Variants in CDKL4 observed in about 807,000 individuals in gnomAD.
CDKL4 encodes the protein cyclin-dependent kinase-like 4.
A neutral mutation model predicts 42.0 loss-of-function variants in CDKL4; 44 were observed. That is an observed-to-expected ratio of 1.05 (90% confidence interval 0.82 to 1.35). The LOEUF is 1.35. CDKL4 is among the 40% of genes most tolerant of loss of function. CDKL4 has a pLI of 0.00. For missense variants in CDKL4, 393 were observed against 369.9 expected, an observed-to-expected ratio of 1.06 and a Z score of -0.51; for synonymous variants, 120 against 121.6, an observed-to-expected ratio of 0.99 and a Z score of 0.09.
At chr2:39,238,886 G>A (rs1022767590) in intron 1 of CDKL4, among the ~76,000 whole-genome samples, 2 of 152,140 alleles carry the variant, frequency 1.3e-5, no homozygotes, top group African/African-American at 4.8e-5. Flanking sequence ...CAAGTAGCTG[G>A]GATTACAGGC....
chr2:39,180,312 C>T (rs1293283243), intron 8 of CDKL4, among the ~76,000 whole-genome samples: 1 of 152,246 alleles, frequency 6.6e-6, no homozygotes, highest in Non-Finnish European at 1.5e-5. Context: ...TAAGGCTCAC[C>T]ACCAGCACAA....
chr2:39,217,589 T>C (rs1174423908), intron 3 of CDKL4, among the ~76,000 whole-genome samples: 2 of 152,186 alleles, frequency 1.3e-5, no homozygotes, highest in African/African-American at 4.8e-5. Context: ...AGGCTGTTAA[T>C]AACATTTTAC....
At chr2:39,174,629 G>A (rs1485935911), downstream of CDKL4, among the ~76,000 whole-genome samples, 1 of 152,106 alleles carries the variant, frequency 6.6e-6, no homozygotes, top group African/African-American at 2.4e-5. Flanking sequence ...AAGTGTATTT[G>A]CAAAATTTGA....
At chr2:39,177,384 G>C (rs1392238264) in intron 9 of CDKL4, among the ~76,000 whole-genome samples, 1 of 151,390 alleles carries the variant, frequency 6.6e-6, no homozygotes, top group Non-Finnish European at 1.5e-5. Flanking sequence ...CCAGGCCAGT[G>C]TTGGGGGGAA....
exon 3 of CDKL4, chr2:39,225,939 C>T (rs1678685223): frequency 6.2e-7 from 1 of 1,610,474 alleles, no homozygotes; most frequent in African/African-American, 1.3e-5. Context: ...ATGAGGTTCA[C>T]AAGATTTGGA....
chr2:39,207,180 G>T (rs1343247886), intron 4 of CDKL4, among the ~76,000 whole-genome samples: 1 of 152,154 alleles, frequency 6.6e-6, no homozygotes, highest in Non-Finnish European at 1.5e-5. Context: ...GTGCCCAGGA[G>T]TTTGATACCA....
At chr2:39,236,253 A>G (rs936375324) in intron 1 of CDKL4, among the ~76,000 whole-genome samples, 1 of 152,104 alleles carries the variant, frequency 6.6e-6, no homozygotes, top group Non-Finnish European at 1.5e-5. Flanking sequence ...AGACCAATAA[A>G]AAGCAGTCAA....
chr2:39,171,958 C>T (rs529140361), downstream of CDKL4, among the ~76,000 whole-genome samples: 13 of 152,236 alleles, frequency 8.5e-5, no homozygotes, highest in African/African-American at 2.6e-4. Context: ...CTCATAATTA[C>T]GGGATCAAGT....
At chr2:39,218,541 G>A (rs1162086284) in intron 3 of CDKL4, among the ~76,000 whole-genome samples, 1 of 152,190 alleles carries the variant, frequency 6.6e-6, no homozygotes, top group East Asian at 1.9e-4. Context: ...GTGTGTCTGT[G>A]AGGGTGTTTC....
chr2:39,234,670 A>C (rs1183169844), intron 1 of CDKL4, among the ~76,000 whole-genome samples: 1 of 152,216 alleles, frequency 6.6e-6, no homozygotes, highest in African/African-American at 2.4e-5. Context: ...TATTTGAATA[A>C]AACAATCAAA....
At chr2:39,221,924 A>G (rs1678398424) in intron 3 of CDKL4, among the ~76,000 whole-genome samples, 1 of 152,210 alleles carries the variant, frequency 6.6e-6, no homozygotes, top group Non-Finnish European at 1.5e-5. Flanking sequence ...CATTAACCCA[A>G]TCAACATAAC....
chr2:39,238,489 AG>A (rs1378110265), intron 1 of CDKL4, among the ~76,000 whole-genome samples: 3 of 152,326 alleles, frequency 2.0e-5, no homozygotes, highest in African/African-American at 7.2e-5. Flanking sequence ...AAATTCCAAC[AG>A]GCTTTATTTG....
chr2:39,185,470 A>G (rs1429693453), intron 7 of CDKL4, among the ~76,000 whole-genome samples: 7 of 132,292 alleles, frequency 5.3e-5, no homozygotes, highest in Non-Finnish European at 7.9e-5. Flanking sequence ...GTATATATAT[A>G]TATATATATT....
chr2:39,243,014 C>A (rs966311165), intron 1 of CDKL4, among the ~76,000 whole-genome samples: 1 of 146,480 alleles, frequency 6.8e-6, no homozygotes, highest in Non-Finnish European at 1.5e-5. Context: ...GCAAGAGGAT[C>A]GCTGAACCTG....
intron 4 of CDKL4, among the ~76,000 whole-genome samples, chr2:39,210,977 T>C (rs944606401): frequency 6.6e-6 from 1 of 152,264 alleles, no homozygotes; most frequent in Non-Finnish European, 1.5e-5. Flanking sequence ...GATCTTGTAC[T>C]TTCTTTTTCA....
chr2:39,194,490 C>T (rs952015016), intron 5 of CDKL4, among the ~76,000 whole-genome samples: 5 of 152,064 alleles, frequency 3.3e-5, no homozygotes, highest in African/African-American at 1.2e-4. Flanking sequence ...AACACACACA[C>T]AAACAAACAG....
intron 6 of CDKL4, among the ~76,000 whole-genome samples, chr2:39,188,974 T>TTAGAGAAATTTAAGTTACTG (rs1323405521): frequency 1.3e-5 from 2 of 152,200 alleles, no homozygotes; most frequent in Non-Finnish European, 2.9e-5. Flanking sequence ...ATTTAATAAC[T>TTAGAGAAATTTAAGTTACTG]TGTCCAAGAT....
chr2:39,211,765 G>A (rs559183019), intron 4 of CDKL4, among the ~76,000 whole-genome samples: 20 of 152,054 alleles, frequency 1.3e-4, no homozygotes, highest in Admixed American at 1.3e-3. Context: ...AACGTTGACA[G>A]GGAAAATGAT....
rs1676413224 is a variant in CDKL4, at chr2:39,194,782, G to A, written c.455-4280C>T. Among the ~76,000 whole-genome samples the A allele has an allele frequency of 2.0e-5, 3 of 151,932 alleles. No homozygotes were observed. The East Asian group carries it at 5.8e-4, about 29-fold the overall frequency. On this transcript the variant is annotated intron_variant, in intron 5 of 9. Transcript: ENST00000451199. ...GTGTATATCTATATATCTATATATA[G>A]GAGGAGCTTAAATTTATTTTGTGGT...
Sources: gnomAD v4.1 joint callset for allele counts (sites outside exome capture counted in the v4.1 genomes callset) on GRCh38, gnomAD v4.1.1 for gene constraint, MANE v1.5 for transcripts, NCBI Gene and HGNC (gene_info 2026-07-23, HGNC 2026-07-21) for gene names.